Variants in SSPN observed in about 807,000 individuals in gnomAD.
SSPN encodes sarcospan, also known as K-ras oncogene-associated protein.
Under a neutral mutation model 19.1 loss-of-function variants are expected in SSPN, and 15 were observed. The ratio of observed to expected loss-of-function variants is 0.78; its 90% CI spans 0.52 to 1.21. The LOEUF (loss-of-function observed/expected upper bound fraction) is 1.21, where lower values mean the gene tolerates loss of function less well. Among genes scored for constraint, SSPN ranks in the 50% most tolerant of loss-of-function variants. The pLI, the probability that SSPN is intolerant of heterozygous loss-of-function variation, is 0.00. For synonymous variants in SSPN, 147 were observed against 140.3 expected (o/e 1.05, Z -0.34); for missense variants, 291 against 314.0 (o/e 0.93, Z 0.55).
intron 1 of SSPN, chr12:26,122,705 G>T: frequency 1.3e-6 from 2 of 1,579,530 alleles, no homozygotes. Flanking sequence ...AGTCCTCCCC[G>T]GGAGGCTCCT....
intron 1 of SSPN, among the ~76,000 whole-genome samples, chr12:26,138,952 T>C (rs1402397846): frequency 2.6e-5 from 4 of 152,210 alleles, no homozygotes; most frequent in Admixed American, 6.5e-5. Context: ...TAAATAGTAA[T>C]ATAATAATTT....
intron 1 of SSPN, among the ~76,000 whole-genome samples, chr12:26,142,943 T>C (rs151210786): frequency 1.3e-5 from 2 of 152,338 alleles, no homozygotes; most frequent in East Asian, 3.9e-4. Context: ...TCAGTTGCTT[T>C]TCACTTTACT....
Position 26,195,677 on chromosome 12 carries a change from G to A in SSPN, c.5G>A (p.Gly2Asp). Residue 2 changes from glycine (G) to aspartate (D), a missense_variant, in exon 1 of 3, where the codon GGC (glycine) becomes GAC (aspartate). Around this residue, in one of 3 missense-constraint regions of SSPN, gnomAD observed 139 missense variants for 119.6 expected, o/e 1.16. Coordinates refer to ENST00000242729, the MANE Select transcript of SSPN (RefSeq NM_005086.5). ...CCCACCCAGCCTCGCAGCGCCATGG[G>A]CAAGAACAAGCAGCCACGCGGCCAG... M[G>D]KNKQPRGQQR... 3 of 1,057,992 alleles carry A rather than the reference G, an allele frequency of 2.8e-6. No homozygotes were observed. Among genetic ancestry groups the A allele is most frequent in the African/African-American group, 1.8e-5 (1 of 55,046 alleles). The allele number at this position is 1,057,992 out of a possible 1,614,324, so 65.5% of individuals were successfully genotyped here.
intron 1 of SSPN, among the ~76,000 whole-genome samples, chr12:26,128,948 C>T (rs1944382015): frequency 6.6e-6 from 1 of 152,202 alleles, no homozygotes; most frequent in East Asian, 1.9e-4. Context: ...CACCCTGTGA[C>T]TTTAGAAGGC....
intron 1 of SSPN, among the ~76,000 whole-genome samples, chr12:26,143,473 C>T (rs1013297139): frequency 2.0e-5 from 3 of 152,150 alleles, no homozygotes; most frequent in Non-Finnish European, 2.9e-5. Context: ...CAAGATTACA[C>T]AGTCAGTAAA....
rs757390935 is a variant in SSPN, at chr12:26,224,243, A to G, written c.280-50A>G. On this transcript the variant is annotated intron_variant, in intron 1 of 2. Transcript: ENST00000242729. Reference sequence around the variant, plus strand: ...AGATACTGAGACTGATGTCATTTGAACGCACAACGTACCCTGATAACATCC... The same window carrying G: ...AGATACTGAGACTGATGTCATTTGAGCGCACAACGTACCCTGATAACATCC... The G allele has an allele frequency of 9.9e-6, 13 of 1,319,752 alleles. No homozygotes were observed. In the East Asian group the frequency reaches 1.4e-4, roughly 14 times the overall value. The allele number at this position is 1,319,752 out of a possible 1,614,324, so 81.8% of individuals were successfully genotyped here. A position where few individuals can be genotyped will look rare whatever the true frequency, so the allele number is the denominator to read the frequency against.
In SSPN at chr12:26,233,099, G is replaced by GA. The variant is rs1945251801; in HGVS notation, c.*2026dup. 1.3e-5 allele frequency: 2 copies of GA among 151,988 alleles called. No homozygotes were observed. The highest frequency in any genetic ancestry group is 4.8e-5 in the African/African-American group (2 of 41,390). The allele number at this position is 151,988 out of a possible 1,614,324, so 9.4% of individuals were successfully genotyped here. ...TAGTAACCGTGAATTAGGCACCACT[G>GA]AAAGCACATCCCGAATTTCTTTAAC... On this transcript the variant is annotated 3_prime_UTR_variant, in exon 3 of 3. Coordinates refer to ENST00000242729, the MANE Select transcript of SSPN (RefSeq NM_005086.5). The surrounding 1 kb of genome is among the most constrained non-coding windows in gnomAD (Gnocchi z 4.3).
intron 1 of SSPN, among the ~76,000 whole-genome samples, chr12:26,163,197 T>G (rs1944600606): frequency 6.6e-6 from 1 of 152,108 alleles, no homozygotes. Context: ...AGGGAAGGTG[T>G]AGACCTGAAT....
chr12:26,206,799 AT>A (rs1944935038), intron 1 of SSPN, among the ~76,000 whole-genome samples: 1 of 152,228 alleles, frequency 6.6e-6, no homozygotes, highest in Non-Finnish European at 1.5e-5. Context: ...ATTCTCTTAC[AT>A]TCTTTGGAAA....
At chr12:26,122,609 G>T (rs1223212763) in intron 1 of SSPN, 1 of 1,133,144 alleles carries the variant, frequency 8.8e-7, no homozygotes. Flanking sequence ...CCAGAAGCGC[G>T]GCTGCCGCCG....
At chr12:26,125,088 G>C in intron 1 of SSPN, 1 of 422,806 alleles carries the variant, frequency 2.4e-6, no homozygotes, top group Non-Finnish European at 4.5e-6. Context: ...CTCACGTGCG[G>C]AACGTACCAT....
At chr12:26,218,383 A>G (rs1246142104) in intron 1 of SSPN, among the ~76,000 whole-genome samples, 1 of 85,928 alleles carries the variant, frequency 1.2e-5, no homozygotes, top group Non-Finnish European at 2.2e-5. Context: ...GATATACCTA[A>G]TGCTAGATGA....
chr12:26,183,300 A>G (rs1044943479), intron 1 of SSPN, among the ~76,000 whole-genome samples: 1 of 152,152 alleles, frequency 6.6e-6, no homozygotes, highest in African/African-American at 2.4e-5. Context: ...TTCTTGTAGA[A>G]ATGGGGTTTT....
At chr12:26,221,916 A>G (rs932505431) in intron 1 of SSPN, among the ~76,000 whole-genome samples, 4 of 152,236 alleles carry the variant, frequency 2.6e-5, no homozygotes, top group Non-Finnish European at 4.4e-5. Flanking sequence ...TAAATTCTTA[A>G]TGTGAGAATA....
In SSPN at chr12:26,195,702, G is replaced by T; in HGVS notation, c.30G>T (p.Gln10His). 8.8e-7 allele frequency: 1 copy of T among 1,137,420 alleles called. No individual in the cohort carries two copies. Among genetic ancestry groups the T allele is most frequent in the Admixed American group, 4.6e-5 (1 of 21,506 alleles). The allele number at this position is 1,137,420 out of a possible 1,614,324, so 70.5% of individuals were successfully genotyped here. A position where few individuals can be genotyped will look rare whatever the true frequency, so the allele number is the denominator to read the frequency against. MGKNKQPRGQQRQGGPPAAD... is the reference protein window; with the variant it reads MGKNKQPRGHQRQGGPPAAD... The stretch of plus-strand genomic sequence containing the variant: ...GCAAGAACAAGCAGCCACGCGGCCA[G>T]CAGAGGCAGGGGGGCCCGCCGGCCG... The change falls in exon 1 of 3, where the codon CAG becomes CAT. Residue 10 changes from glutamine to histidine, a missense_variant. Gln to His is a conservative substitution (Grantham distance 24). This residue lies in a region of SSPN where 139 missense variants were observed against 119.6 expected (regional missense o/e 1.16). Transcript: ENST00000242729.
chr12:26,167,451 T>C (rs190804324), intron 1 of SSPN, among the ~76,000 whole-genome samples: 185 of 152,332 alleles, frequency 1.2e-3, no homozygotes, highest in Non-Finnish European at 1.9e-3. Context: ...ACACTGAGGA[T>C]AGCAGCTTGT....
At chr12:26,185,868 A>C (rs924552972) in intron 1 of SSPN, among the ~76,000 whole-genome samples, 23 of 152,032 alleles carry the variant, frequency 1.5e-4, no homozygotes, top group Non-Finnish European at 4.4e-5. Flanking sequence ...ATCCTTTATG[A>C]CACTTCCCTG....
chr12:26,143,702 G>T (rs1245754582), intron 1 of SSPN, among the ~76,000 whole-genome samples: 1 of 152,190 alleles, frequency 6.6e-6, no homozygotes, highest in Non-Finnish European at 1.5e-5. Context: ...ATTGGCATGT[G>T]AAACAAATAG....
intron 2 of SSPN, among the ~76,000 whole-genome samples, chr12:26,226,616 C>G (rs1945179144): frequency 6.6e-6 from 1 of 152,134 alleles, no homozygotes; most frequent in South Asian, 2.1e-4. Flanking sequence ...TGGGCTTTGC[C>G]TCTCTGCCTC....
Sources: allele counts gnomAD v4.1 joint callset (sites outside exome capture counted in the v4.1 genomes callset), GRCh38; gene constraint gnomAD v4.1.1; regional missense constraint gnomAD v4.1.1; non-coding constraint Gnocchi (gnomAD v3.1); transcripts MANE v1.5; gene names NCBI Gene and HGNC (gene_info 2026-07-23, HGNC 2026-07-21).